Variants in RMDN2 observed in about 807,000 individuals in gnomAD.
The protein encoded by RMDN2 is regulator of microtubule dynamics 2.
In RMDN2, 61 loss-of-function variants were observed where a neutral mutation model predicts 52.8. That is an observed-to-expected ratio of 1.16 (90% CI 0.94 to 1.43). The LOEUF is 1.43. Among genes scored for constraint, RMDN2 ranks in the 40% most tolerant of loss-of-function variants. The pLI, the probability that RMDN2 is intolerant of heterozygous loss-of-function variation, is 0.00. For synonymous variants in RMDN2, 180 were observed against 153.1 expected (o/e 1.18, Z -1.30); for missense variants, 592 against 475.3 (o/e 1.25, Z -2.28).
chr2:37,954,588 T>C (rs1485167224), intron 2 of RMDN2, among the ~76,000 whole-genome samples: 2 of 152,136 alleles, frequency 1.3e-5, no homozygotes, highest in Non-Finnish European at 2.9e-5. Flanking sequence ...TGTACCATAC[T>C]GTTTTGGTTA....
intron 2 of RMDN2, among the ~76,000 whole-genome samples, chr2:37,936,671 G>T (rs1226169151): frequency 6.6e-6 from 1 of 152,016 alleles, no homozygotes; most frequent in African/African-American, 2.4e-5. Context: ...TCTTATATTT[G>T]TTGGCCACAT....
chr2:37,933,825 A>C (rs1667065878), intron 2 of RMDN2, among the ~76,000 whole-genome samples: 1 of 152,244 alleles, frequency 6.6e-6, no homozygotes. Flanking sequence ...GTACAAAAAA[A>C]TTTAGATGTG....
intron 2 of RMDN2, among the ~76,000 whole-genome samples, chr2:37,954,331 G>C (rs980025215): frequency 1.3e-5 from 2 of 151,966 alleles, no homozygotes; most frequent in Admixed American, 6.6e-5. Context: ...TATAGCTTTA[G>C]GTTTTATATT....
chr2:37,998,677 C>G (rs1675905917), intron 8 of RMDN2, among the ~76,000 whole-genome samples: 1 of 151,970 alleles, frequency 6.6e-6, no homozygotes, highest in African/African-American at 2.4e-5. Flanking sequence ...GTGGCTGCCT[C>G]AAGTGAAAAA....
At chr2:37,960,240 G>T (rs895751750) in intron 2 of RMDN2, among the ~76,000 whole-genome samples, 7 of 151,918 alleles carry the variant, frequency 4.6e-5, no homozygotes, top group African/African-American at 9.7e-5. Context: ...TTGACAATGG[G>T]GTTTTAAAGT....
chr2:38,048,279 T>G (rs1452159350), intron 10 of RMDN2, among the ~76,000 whole-genome samples: 1 of 152,206 alleles, frequency 6.6e-6, no homozygotes, highest in East Asian at 1.9e-4. Flanking sequence ...TTTGAGTGTA[T>G]GCAGCATGTG....
chr2:37,955,477 T>A (rs1257694144), intron 2 of RMDN2, among the ~76,000 whole-genome samples: 2 of 152,148 alleles, frequency 1.3e-5, no homozygotes, highest in Non-Finnish European at 2.9e-5. Flanking sequence ...TTCATTTTGT[T>A]TATGTGGTAT....
At chr2:37,940,514 T>A (rs1667694792) in intron 2 of RMDN2, among the ~76,000 whole-genome samples, 1 of 152,206 alleles carries the variant, frequency 6.6e-6, no homozygotes, top group Non-Finnish European at 1.5e-5. Context: ...CACTTTCAGG[T>A]GCACCAAACA....
At chr2:38,044,741 G>T (rs992532015) in intron 10 of RMDN2, among the ~76,000 whole-genome samples, 2 of 151,854 alleles carry the variant, frequency 1.3e-5, no homozygotes, top group Non-Finnish European at 2.9e-5. Context: ...ACTTCCTTTT[G>T]ATTCTTTTTA....
At chr2:38,049,903 C>G (rs1681486190) in intron 10 of RMDN2, among the ~76,000 whole-genome samples, 1 of 152,182 alleles carries the variant, frequency 6.6e-6, no homozygotes, top group Non-Finnish European at 1.5e-5. Flanking sequence ...TTCCCCAGCC[C>G]TGTGCCTAAT....
At chr2:37,993,731 A>C (rs528706505) in intron 7 of RMDN2, among the ~76,000 whole-genome samples, 2 of 127,490 alleles carry the variant, frequency 1.6e-5, no homozygotes, top group South Asian at 5.6e-4. Flanking sequence ...CTGCCACAAT[A>C]TATCTGGGAC....
chr2:38,047,304 A>C (rs1186769131), intron 10 of RMDN2, among the ~76,000 whole-genome samples: 1 of 152,246 alleles, frequency 6.6e-6, no homozygotes, highest in Non-Finnish European at 1.5e-5. Flanking sequence ...ATGTTCGTAT[A>C]AAGATTTGTA....
intron 10 of RMDN2, among the ~76,000 whole-genome samples, chr2:38,010,584 AC>A (rs556900668): frequency 8.0e-4 from 122 of 152,224 alleles, no homozygotes; most frequent in African/African-American, 2.8e-3. Context: ...GGTGGGAGTG[AC>A]CCGATCTTCC....
At chr2:38,001,216 G>A (rs1676277406) in intron 8 of RMDN2, among the ~76,000 whole-genome samples, 1 of 152,200 alleles carries the variant, frequency 6.6e-6, no homozygotes, top group Admixed American at 6.5e-5. Flanking sequence ...GCCAAACATG[G>A]CATCAAATAC....
chr2:38,018,950 T>C (rs1348931052), downstream of RMDN2, among the ~76,000 whole-genome samples: 1 of 152,184 alleles, frequency 6.6e-6, no homozygotes, highest in African/African-American at 2.4e-5. Flanking sequence ...ACATTCTGGT[T>C]AGGTAAATTA....
intron 2 of RMDN2, among the ~76,000 whole-genome samples, chr2:37,942,991 C>G (rs924743910): frequency 6.6e-6 from 1 of 152,194 alleles, no homozygotes; most frequent in African/African-American, 2.4e-5. Context: ...CAGCCAGATG[C>G]TAGACCTTCC....
chr2:38,050,139 C>G (rs1420290804), intron 10 of RMDN2, among the ~76,000 whole-genome samples: 3 of 152,068 alleles, frequency 2.0e-5, no homozygotes, highest in African/African-American at 7.2e-5. Context: ...GGATTTGAAC[C>G]CAAGATTTAA....
chr2:37,935,754 A>G (rs1667233517), intron 2 of RMDN2, among the ~76,000 whole-genome samples: 1 of 152,130 alleles, frequency 6.6e-6, no homozygotes, highest in Non-Finnish European at 1.5e-5. Flanking sequence ...ATGTTTTGCA[A>G]TAAATTTTTT....
intron 10 of RMDN2, among the ~76,000 whole-genome samples, chr2:38,061,583 C>T (rs887829685): frequency 2.0e-5 from 3 of 151,732 alleles, no homozygotes; most frequent in Admixed American, 1.3e-4. Flanking sequence ...TTGCCTCCTT[C>T]AGGAAGGCTT....
Sources: gnomAD v4.1 joint callset for allele counts (sites outside exome capture counted in the v4.1 genomes callset) on GRCh38, gnomAD v4.1.1 for gene constraint, MANE v1.5 for transcripts, NCBI Gene and HGNC (gene_info 2026-07-23, HGNC 2026-07-21) for gene names.